The following TMEM263 variants were observed in gnomAD, a reference collection of about 807,000 sequenced individuals.
TMEM263 encodes the protein UPF0444 transmembrane protein C12orf23.
A neutral mutation model predicts 8.6 loss-of-function variants in TMEM263; 5 were observed. That is an observed-to-expected ratio of 0.58 (90% CI 0.31 to 1.23). TMEM263 has a LOEUF of 1.23. TMEM263 is among the 50% of genes most tolerant of loss of function. The pLI is 0.07. For synonymous variants in TMEM263, 50 were observed against 47.9 expected (o/e 1.04, Z -0.18); for missense variants, 104 against 138.8 (o/e 0.75, Z 1.26).
In TMEM263 at chr12:106,973,654, T is replaced by C. The variant is rs1012702450; in HGVS notation, c.*2263T>C. The C allele has an allele frequency of 2.0e-5, 3 of 152,466 alleles. No homozygotes were observed. The highest frequency in any genetic ancestry group is 2.1e-4 in the South Asian group (1 of 4,834). 9.4% of individuals were successfully genotyped at this position (152,466 alleles called of 1,614,324 possible). On this transcript the variant is annotated 3_prime_UTR_variant, in exon 4 of 4. Transcript: ENST00000280756. Reference sequence around the variant, plus strand: ...GAAATGAACTTACCATCTGATGATATGTATGTACAGCTGTGTACTTGAGTC... The same window carrying C: ...GAAATGAACTTACCATCTGATGATACGTATGTACAGCTGTGTACTTGAGTC...
At position 106,971,381 on chromosome 12, in the gene TMEM263, A is replaced by G; in HGVS notation, c.341A>G (p.Lys114Arg). Residue 114 changes from lysine (K) to arginine (R), a missense_variant, in exon 4 of 4, where the codon AAA (lysine) becomes AGA (arginine). Transcript: ENST00000280756. ...KVPLTGKKKDKSD is the reference protein window; with the variant it reads ...KVPLTGKKKDRSD Reference sequence around the variant, plus strand: ...CCCTTAACAGGAAAGAAGAAAGACAAATCTGACTGAAATATAGAGATACAC... The same window carrying G: ...CCCTTAACAGGAAAGAAGAAAGACAGATCTGACTGAAATATAGAGATACAC... 6.2e-7 allele frequency: 1 copy of G among 1,605,290 alleles called. No individual in the cohort carries two copies. Among genetic ancestry groups the G allele is most frequent in the Non-Finnish European group, 8.5e-7 (1 of 1,174,898 alleles).
At chr12:106,958,215 T>C (rs1951726016) in intron 2 of TMEM263, among the ~76,000 whole-genome samples, 2 of 152,196 alleles carry the variant, frequency 1.3e-5, no homozygotes, top group South Asian at 4.1e-4. Flanking sequence ...GTAGTTAAGC[T>C]TTATATAACG....
chr12:106,958,528 C>T (rs1218828499), intron 2 of TMEM263, among the ~76,000 whole-genome samples: 1 of 152,204 alleles, frequency 6.6e-6, no homozygotes, highest in Non-Finnish European at 1.5e-5. Context: ...TTCTCCCCAT[C>T]TCTACAATGC....
Position 106,971,484 on chromosome 12 carries a change from C to T in TMEM263, c.*93C>T, listed in dbSNP as rs374095326. Reference sequence around the variant, plus strand: ...CTACAACCAAGTCAACTGTTTTGGACGTTTATCTTCTAAACTGCTGTGTTG... The same window carrying T: ...CTACAACCAAGTCAACTGTTTTGGATGTTTATCTTCTAAACTGCTGTGTTG... On this transcript the variant is annotated 3_prime_UTR_variant, in exon 4 of 4. Transcript: ENST00000280756. 15 of 1,285,820 alleles carry T rather than the reference C, an allele frequency of 1.2e-5. No individual in the cohort carries two copies. The highest frequency in any genetic ancestry group is 1.1e-4 in the Admixed American group (4 of 36,566). The allele number at this position is 1,285,820 out of a possible 1,614,324, so 79.7% of individuals were successfully genotyped here. A position where few individuals can be genotyped will look rare whatever the true frequency, so the allele number is the denominator to read the frequency against.
Position 106,972,500 on chromosome 12 carries a change from TA to T in TMEM263, c.*1112del, listed in dbSNP as rs959427006. The T allele has an allele frequency of 8.5e-5, 13 of 152,140 alleles. No individual in the cohort carries two copies. The highest frequency in any genetic ancestry group is 8.5e-4 in the Admixed American group (13 of 15,274). The allele number at this position is 152,140 out of a possible 1,614,324, so 9.4% of individuals were successfully genotyped here. A position where few individuals can be genotyped will look rare whatever the true frequency, so the allele number is the denominator to read the frequency against. On this transcript the variant is annotated 3_prime_UTR_variant, in exon 4 of 4. Coordinates refer to ENST00000280756, the MANE Select transcript of TMEM263 (RefSeq NM_152261.4). ...GAGCTCCATAGATTAGTTTTGAATA[TA>T]AAGTATATAAAAGTGCATCAGTGGT... is the stretch of plus-strand genomic sequence containing the variant.
intron 3 of TMEM263, among the ~76,000 whole-genome samples, chr12:106,968,965 C>T (rs1951881530): frequency 6.6e-6 from 1 of 152,108 alleles, no homozygotes; most frequent in Non-Finnish European, 1.5e-5. Context: ...TATATTAAGT[C>T]TTTTACTTCA....
chr12:106,958,966 T>C (rs555555341), intron 2 of TMEM263, among the ~76,000 whole-genome samples: 8 of 152,336 alleles, frequency 5.3e-5, no homozygotes, highest in African/African-American at 1.9e-4. Context: ...AGAGCAGATA[T>C]ATTTGTTTCT....
chr12:106,972,654 CTTATT>C lies in TMEM263; in HGVS notation c.*1264_*1268del, dbSNP rs1455655061. The C allele has an allele frequency of 6.6e-6, 1 of 152,060 alleles. No individual in the cohort carries two copies. Among genetic ancestry groups the C allele is most frequent in the African/African-American group, 2.4e-5 (1 of 41,426 alleles). The allele number at this position is 152,060 out of a possible 1,614,324, so 9.4% of individuals were successfully genotyped here. ...ATTATGGATGATAAATGTGTCATAT[CTTATT>C]AATATGTCTCATGTCTCGTTCCTTC... is the stretch of plus-strand genomic sequence containing the variant. On this transcript the variant is annotated 3_prime_UTR_variant, in exon 4 of 4. Coordinates refer to ENST00000280756, the MANE Select transcript of TMEM263 (RefSeq NM_152261.4).
intron 2 of TMEM263, among the ~76,000 whole-genome samples, chr12:106,964,771 G>A (rs868747381): frequency 2.6e-5 from 4 of 152,140 alleles, no homozygotes; most frequent in South Asian, 2.1e-4. Context: ...TAGGATTTAC[G>A]TTTTAAAGTC....
At chr12:106,960,685 C>G (rs1713020166) in intron 2 of TMEM263, among the ~76,000 whole-genome samples, 1 of 151,976 alleles carries the variant, frequency 6.6e-6, no homozygotes, top group African/African-American at 2.4e-5. Context: ...GAAGCAGCCC[C>G]AGGCGAGAGT....
intron 2 of TMEM263, among the ~76,000 whole-genome samples, chr12:106,962,396 T>TG (rs374714868): frequency 6.6e-4 from 100 of 152,358 alleles, no homozygotes; most frequent in African/African-American, 2.2e-3. Flanking sequence ...GCATAATGTA[T>TG]GTCTTTTGGA....
intron 2 of TMEM263, among the ~76,000 whole-genome samples, chr12:106,962,145 C>T (rs908006920): frequency 6.6e-6 from 1 of 151,952 alleles, no homozygotes; most frequent in Non-Finnish European, 1.5e-5. Context: ...CTATATTATA[C>T]TGTGAATATA....
rs375958643 is a variant in TMEM263, at chr12:106,959,721, G to A, written c.-7+2572G>A. ...ATAAGAAGTATTTCTCTTTAGTAAC[G>A]AAGTGGCAATATCCATAAAGAGGTA... On this transcript the variant is annotated intron_variant, in intron 2 of 3. Transcript: ENST00000280756. 1.4e-4 allele frequency among the ~76,000 whole-genome samples: 21 copies of A among 152,242 alleles called. No individual in the cohort carries two copies. The South Asian group carries it at 3.5e-3, about 26-fold the overall frequency.
In TMEM263 at chr12:106,971,610, A is replaced by G. The variant is rs1951922973; in HGVS notation, c.*219A>G. ...AAGTTCCAGGTTTTTATCTGGTAAA[A>G]TGTTACACTTACTCGGTTGTAACTG... On this transcript the variant is annotated 3_prime_UTR_variant, in exon 4 of 4. Transcript: ENST00000280756. The G allele has an allele frequency of 4.5e-6, 2 of 447,004 alleles. No homozygotes were observed. Among genetic ancestry groups the G allele is most frequent in the Non-Finnish European group, 7.8e-6 (2 of 255,884 alleles). The allele number at this position is 447,004 out of a possible 1,614,324, so 27.7% of individuals were successfully genotyped here.
intron 3 of TMEM263, among the ~76,000 whole-genome samples, chr12:106,967,964 T>C (rs1326931374): frequency 1.3e-5 from 2 of 152,352 alleles, no homozygotes; most frequent in East Asian, 3.9e-4. Context: ...CATAATTCTC[T>C]TTGAGTTTGA....
rs767617744 is a variant in TMEM263, at chr12:106,971,091, T to C, written c.65-14T>C. On this transcript the variant is annotated splice_polypyrimidine_tract_variant and intron_variant, in intron 3 of 3. Coordinates refer to ENST00000280756, the MANE Select transcript of TMEM263 (RefSeq NM_152261.4). ...ACTTATATTTGATTGTCTCATGATA[T>C]TTTCTCTCATTAGGTTCAATGAAAG... is the stretch of plus-strand genomic sequence containing the variant. 6 of 1,612,544 alleles carry C rather than the reference T, an allele frequency of 3.7e-6. No homozygotes were observed. The South Asian group carries it at 6.6e-5, about 18-fold the overall frequency.
chr12:106,970,965 G>A lies in TMEM263; in HGVS notation c.65-140G>A, dbSNP rs1434725518. ...TATACCCTGAAGGAAGAGCTCTTCA[G>A]TGTCTTTGAATCAGTGTGGTTGGCC... is the stretch of plus-strand genomic sequence containing the variant. On this transcript the variant is annotated intron_variant, in intron 3 of 3. Coordinates refer to ENST00000280756, the MANE Select transcript of TMEM263 (RefSeq NM_152261.4). 4 of 750,744 alleles carry A rather than the reference G, an allele frequency of 5.3e-6. No individual in the cohort carries two copies. In the African/African-American group the frequency reaches 7.0e-5, roughly 13 times the overall value. The allele number at this position is 750,744 out of a possible 1,614,324, so 46.5% of individuals were successfully genotyped here.
chr12:106,957,455 ATTTTT>A (rs546559664), intron 2 of TMEM263, among the ~76,000 whole-genome samples: 2 of 146,022 alleles, frequency 1.4e-5, no homozygotes, highest in African/African-American at 5.0e-5. Context: ...CATGGGTTTG[ATTTTT>A]TTTTTTTTAA....
At chr12:106,970,437 A>G (rs984942189) in intron 3 of TMEM263, among the ~76,000 whole-genome samples, 4 of 152,240 alleles carry the variant, frequency 2.6e-5, no homozygotes, top group African/African-American at 9.6e-5. Context: ...TGGTTTATAC[A>G]TTTTAGCAAA....
Sources: allele counts gnomAD v4.1 joint callset (sites outside exome capture counted in the v4.1 genomes callset), GRCh38; gene constraint gnomAD v4.1.1; transcripts MANE v1.5; gene names NCBI Gene and HGNC (gene_info 2026-07-23, HGNC 2026-07-21).